The following UVRAG variants were observed in gnomAD, a reference collection of about 807,000 sequenced individuals.
UVRAG encodes the protein UV radiation resistance associated, also known as UV radiation resistance-associated gene protein.
In UVRAG, 19 loss-of-function variants were observed where a neutral mutation model predicts 78.0. That is an observed-to-expected ratio of 0.24 (90% CI 0.17 to 0.36). UVRAG has a LOEUF of 0.36. Ranked by LOEUF, UVRAG falls within the 10% of genes least tolerant of loss-of-function variation. The probability of loss-of-function intolerance (pLI) is 1.00; values close to 1 mark genes in which losing one functional copy is unlikely to be tolerated. For synonymous variants in UVRAG, 323 were observed against 324.6 expected, an observed-to-expected ratio of 1.00 and a Z score of 0.05; for missense variants, 740 against 853.8, an observed-to-expected ratio of 0.87 and a Z score of 1.66.
intron 3 of UVRAG, among the ~76,000 whole-genome samples, chr11:75,862,353 C>T (rs1262595086): frequency 6.6e-6 from 1 of 152,160 alleles, no homozygotes. Context: ...TTGTAAATAT[C>T]CTACTTTTGA....
At chr11:76,041,971 C>A (rs1453199818) in intron 12 of UVRAG, among the ~76,000 whole-genome samples, 1 of 152,074 alleles carries the variant, frequency 6.6e-6, no homozygotes, top group Non-Finnish European at 1.5e-5. Context: ...AAAAATACTT[C>A]CAAGACTACA....
chr11:76,064,295 G>A (rs1951146811), intron 12 of UVRAG, among the ~76,000 whole-genome samples: 1 of 152,200 alleles, frequency 6.6e-6, no homozygotes, highest in Non-Finnish European at 1.5e-5. Context: ...AGAGGTTTAG[G>A]ACCGTAGTAG....
intron 6 of UVRAG, among the ~76,000 whole-genome samples, chr11:75,939,685 G>A (rs1948444649): frequency 6.6e-6 from 1 of 152,174 alleles, no homozygotes; most frequent in South Asian, 2.1e-4. Context: ...TAAAAGGCTT[G>A]GGAGGCATTT....
In UVRAG at chr11:75,815,495, G is replaced by T; in HGVS notation, c.88G>T (p.Ala30Ser). 8.0e-7 allele frequency: 1 copy of T among 1,242,516 alleles called. No homozygotes were observed. Among genetic ancestry groups the T allele is most frequent in the Non-Finnish European group, 1.0e-6 (1 of 992,800 alleles). The allele number at this position is 1,242,516 out of a possible 1,614,324, so 77.0% of individuals were successfully genotyped here. A position where few individuals can be genotyped will look rare whatever the true frequency, so the allele number is the denominator to read the frequency against. The change falls in exon 1 of 15, where the codon GCC becomes TCC. Residue 30 changes from alanine (A) to serine (S), a missense_variant. Coordinates refer to ENST00000356136, the MANE Select transcript of UVRAG (RefSeq NM_003369.4). Reference protein sequence around the residue: ...AALPPGSAARALHVELPSQQR... With the variant: ...AALPPGSAARSLHVELPSQQR... The stretch of plus-strand genomic sequence containing the variant: ...TCTGCCTCCCGGTTCTGCCGCGCGG[G>T]CCCTGCATGTGGAGCTGCCGTCTCA...
At chr11:75,846,625 T>C (rs1039083325) in intron 1 of UVRAG, among the ~76,000 whole-genome samples, 1 of 152,190 alleles carries the variant, frequency 6.6e-6, no homozygotes, top group African/African-American at 2.4e-5. Flanking sequence ...ATGTCCACTT[T>C]CAGCACCATT....
At chr11:75,891,746 C>T (rs1409853426) in intron 5 of UVRAG, among the ~76,000 whole-genome samples, 2 of 152,048 alleles carry the variant, frequency 1.3e-5, no homozygotes, top group Non-Finnish European at 2.9e-5. Flanking sequence ...CTTGTCTGTA[C>T]TAAAATTCAA....
intron 6 of UVRAG, among the ~76,000 whole-genome samples, chr11:75,922,103 C>T (rs1454887244): frequency 6.6e-6 from 1 of 151,992 alleles, no homozygotes; most frequent in Non-Finnish European, 1.5e-5. Flanking sequence ...GAATTTTAAT[C>T]GAAATTTTTA....
intron 7 of UVRAG, among the ~76,000 whole-genome samples, chr11:75,981,181 G>T (rs1233835069): frequency 6.6e-6 from 1 of 151,874 alleles, no homozygotes; most frequent in Non-Finnish European, 1.5e-5. Context: ...GCATGATCTT[G>T]GCTCACGGCA....
intron 14 of UVRAG, among the ~76,000 whole-genome samples, chr11:76,136,753 C>T (rs1306690498): frequency 6.6e-6 from 1 of 152,126 alleles, no homozygotes; most frequent in Non-Finnish European, 1.5e-5. Context: ...CCACCTTGGC[C>T]TCCCAAAGTG....
intron 12 of UVRAG, among the ~76,000 whole-genome samples, chr11:76,023,077 G>T (rs903176246): frequency 1.3e-5 from 2 of 151,918 alleles, no homozygotes; most frequent in African/African-American, 4.8e-5. Flanking sequence ...TTATGTTGTT[G>T]TTGTCACAAA....
chr11:76,004,031 A>G lies in UVRAG; in HGVS notation c.853A>G (p.Lys285Glu). Residue 285 changes from lysine (K) to glutamate (E), a missense_variant, in exon 9 of 15, where the codon AAA becomes GAA. Physicochemically the swap from Lys to Glu is moderately conservative, Grantham distance 56. Transcript: ENST00000356136. ...KGSAFSAEHL[K>E]LQLQKESLNE... ...AAGTGCATTTTCAGCTGAGCACCTC[A>G]AACTTCAACTCCAGAAGGAATCCCT... 6.2e-7 allele frequency: 1 copy of G among 1,614,056 alleles called. No homozygotes were observed. Among genetic ancestry groups the G allele is most frequent in the Non-Finnish European group, 8.5e-7 (1 of 1,179,960 alleles).
At chr11:75,877,758 G>A (rs1946832522) in intron 3 of UVRAG, among the ~76,000 whole-genome samples, 1 of 140,640 alleles carries the variant, frequency 7.1e-6, no homozygotes, top group African/African-American at 2.7e-5. Flanking sequence ...CTTCCCTCCC[G>A]GACGGAGCGG....
intron 12 of UVRAG, among the ~76,000 whole-genome samples, chr11:76,041,730 GC>G: frequency 6.6e-6 from 1 of 152,268 alleles, no homozygotes; most frequent in Non-Finnish European, 1.5e-5. Context: ...AATACTTCCA[GC>G]TTAGCCAGGT....
chr11:76,009,324 A>G (rs1199174598), intron 11 of UVRAG, among the ~76,000 whole-genome samples: 3 of 152,194 alleles, frequency 2.0e-5, no homozygotes, highest in East Asian at 3.8e-4. Flanking sequence ...TTGTTATACT[A>G]TCATTTCTGT....
At chr11:75,933,725 C>T (rs983061894) in intron 6 of UVRAG, among the ~76,000 whole-genome samples, 4 of 152,174 alleles carry the variant, frequency 2.6e-5, no homozygotes, top group African/African-American at 4.8e-5. Context: ...AAGACATATA[C>T]ATGGCAGACA....
intron 11 of UVRAG, chr11:76,012,800 TG>T (rs1950076803): frequency 1.3e-4 from 2 of 14,964 alleles, no homozygotes; most frequent in Non-Finnish European, 2.6e-4. Flanking sequence ...AAAATGTTTG[TG>T]TGTGTGTGTG....
chr11:75,956,929 T>G lies in UVRAG; in HGVS notation c.594-4515T>G, dbSNP rs182357429. On this transcript the variant is annotated intron_variant, in intron 6 of 14. Coordinates refer to ENST00000356136, the MANE Select transcript of UVRAG (RefSeq NM_003369.4). ...TCTGTTGTCCATTTTTAATTGGCTG[T>G]CTTGATTACTGATTTATAAGACTTC... Among the ~76,000 whole-genome samples, 456 of 152,298 alleles carry G rather than the reference T, an allele frequency of 3.0e-3. 6 individuals carry two copies. The highest frequency in any genetic ancestry group is 0.011 in the African/African-American group (438 of 41,564).
At chr11:76,028,032 A>G (rs1471878661) in intron 12 of UVRAG, among the ~76,000 whole-genome samples, 1 of 152,178 alleles carries the variant, frequency 6.6e-6, no homozygotes, top group African/African-American at 2.4e-5. Context: ...ACCTTGCATC[A>G]AGCAAGTCTG....
intron 12 of UVRAG, among the ~76,000 whole-genome samples, chr11:76,023,378 A>T (rs1206996596): frequency 2.0e-5 from 3 of 152,066 alleles, no homozygotes; most frequent in African/African-American, 7.2e-5. Context: ...CTAATTTCTC[A>T]AAGAAACTCT....
Sources: allele counts gnomAD v4.1 joint callset (sites outside exome capture counted in the v4.1 genomes callset), GRCh38; gene constraint gnomAD v4.1.1; transcripts MANE v1.5; gene names NCBI Gene and HGNC (gene_info 2026-07-23, HGNC 2026-07-21).